Variants in FXYD3 observed in about 807,000 individuals in gnomAD.
The protein encoded by FXYD3 is FXYD domain containing ion transport regulator 3.
In FXYD3, 13 loss-of-function variants were observed where a neutral mutation model predicts 19.2. The ratio of observed to expected loss-of-function variants is 0.68; its 90% CI spans 0.44 to 1.08. The LOEUF (loss-of-function observed/expected upper bound fraction) is 1.08, where lower values mean the gene tolerates loss of function less well. FXYD3 is among the 50% of genes least tolerant of loss of function. The pLI is 0.00. For synonymous variants in FXYD3, 48 were observed against 38.9 expected, an observed-to-expected ratio of 1.23 and a Z score of -0.87; for missense variants, 101 against 109.4, an observed-to-expected ratio of 0.92 and a Z score of 0.34.
At position 35,116,665 on chromosome 19, in the gene FXYD3, G is replaced by A. The variant is rs562760286; in HGVS notation, c.-15+306G>A. The A allele has an allele frequency of 3.9e-5, 38 of 985,296 alleles. No individual in the cohort carries two copies. The South Asian group carries it at 1.5e-3, about 39-fold the overall frequency. 61.0% of individuals were successfully genotyped at this position (985,296 alleles called of 1,614,324 possible). ...AGGGATATCTGGGTTGGGGATAGCT[G>A]GGTGGAGGAGAGGGGGTGCCTGGGT... On this transcript the variant is annotated intron_variant, in intron 2 of 8. Transcript: ENST00000604404.
rs74602953 is a variant in FXYD3 at position 35,116,119 on chromosome 19, C to T, written c.-110-145C>T. ...CCGAGTTCCAGCCCATCCAATTCTC[C>T]GTCTCACCTGAGGCTGCTGTGGTCC... On this transcript the variant is annotated intron_variant, in intron 1 of 8. Transcript: ENST00000604404. 246 of 448,288 alleles carry T rather than the reference C, an allele frequency of 5.5e-4. 1 individual carries two copies. Among genetic ancestry groups the T allele is most frequent in the African/African-American group, 3.8e-3 (180 of 47,332 alleles). 27.8% of individuals were successfully genotyped at this position (448,288 alleles called of 1,614,324 possible).
In FXYD3 at chr19:35,117,226, C is replaced by G. The variant is rs549540810; in HGVS notation, c.-15+867C>G. 9.0e-6 allele frequency: 13 copies of G among 1,447,554 alleles called. No individual in the cohort carries two copies. The South Asian group carries it at 1.5e-4, about 17-fold the overall frequency. 89.7% of individuals were successfully genotyped at this position (1,447,554 alleles called of 1,614,324 possible). A position where few individuals can be genotyped will look rare whatever the true frequency, so the allele number is the denominator to read the frequency against. ...CCAGCTCCCGGCTCCCTGCAGCCTC[C>G]GGAAGCATGGGACTGGACGTTGTTT... On this transcript the variant is annotated intron_variant, in intron 2 of 8. Coordinates refer to ENST00000604404, the MANE Select transcript of FXYD3 (RefSeq NM_005971.4).
rs2065071925 is a variant in FXYD3 at position 35,122,765 on chromosome 19, A to T, written c.98A>T (p.Asp33Val). 1.2e-6 allele frequency: 2 copies of T among 1,612,920 alleles called. No homozygotes were observed. Among genetic ancestry groups the T allele is most frequent in the Non-Finnish European group, 1.7e-6 (2 of 1,179,642 alleles). ...LEDKNSPFYY[D>V]WHSLQVGGLI... ...GAGGTCCCCTCCACTTTCCTCCTAG[A>T]CTGGCACAGCCTCCAGGTTGGCGGG... The change falls in exon 6 of 9, where the codon GAC becomes GTC. Residue 33 changes from aspartate (D) to valine (V), a missense_variant and splice_region_variant. By Grantham distance (152) the Asp-to-Val change is radical. Coordinates refer to ENST00000604404, the MANE Select transcript of FXYD3 (RefSeq NM_005971.4).
In FXYD3 at chr19:35,121,506, T is replaced by G. The variant is rs887074797; in HGVS notation, c.97+261T>G. The G allele has an allele frequency of 2.8e-6, 4 of 1,428,014 alleles. No homozygotes were observed. In the South Asian group the frequency reaches 6.1e-5, roughly 22 times the overall value. 88.5% of individuals were successfully genotyped at this position (1,428,014 alleles called of 1,614,324 possible). A position where few individuals can be genotyped will look rare whatever the true frequency, so the allele number is the denominator to read the frequency against. Reference sequence around the variant, plus strand: ...GCAAGAAGCCATTGGTTGGTTCAGATCAACTGCTGGGAGAAGTGTTGACTT... The same window carrying G: ...GCAAGAAGCCATTGGTTGGTTCAGAGCAACTGCTGGGAGAAGTGTTGACTT... On this transcript the variant is annotated intron_variant, in intron 5 of 8. Coordinates refer to ENST00000604404, the MANE Select transcript of FXYD3 (RefSeq NM_005971.4).
rs562139240 is a variant in FXYD3, at chr19:35,119,595, G to A, written c.40+179G>A. 1.8e-4 allele frequency: 104 copies of A among 593,700 alleles called. 1 individual carries two copies. In the East Asian group the frequency reaches 2.7e-3, roughly 15 times the overall value. The allele number at this position is 593,700 out of a possible 1,614,324, so 36.8% of individuals were successfully genotyped here. A position where few individuals can be genotyped will look rare whatever the true frequency, so the allele number is the denominator to read the frequency against. ...AGCCGGGGATACACGAGAAGAGCTG[G>A]CTCACACAGCTGGAAAGTCACCGTC... On this transcript the variant is annotated intron_variant, in intron 3 of 8. Transcript: ENST00000604404.
chr19:35,122,996 C>A, intron 7 of FXYD3, 42 bp downstream of exon 7: 2 of 1,542,054 alleles, frequency 1.3e-6, no homozygotes, highest in South Asian at 1.3e-5. Context: ...GCTGACTGGA[C>A]GCTTTTCAGG....
intron 4 of FXYD3, 29 bp downstream of exon 4, chr19:35,121,139 C>T (rs1308377608): frequency 1.2e-6 from 2 of 1,614,038 alleles, no homozygotes; most frequent in Admixed American, 1.7e-5. Context: ...TCACCCGTCA[C>T]ACCCCCAAAT....
At chr19:35,123,015 G>A in intron 7 of FXYD3, 61 bp downstream of exon 7, 1 of 1,520,610 alleles carries the variant, frequency 6.6e-7, no homozygotes. Flanking sequence ...GGGTGAAAGG[G>A]CTAACTCTCC....
rs1210936471 is a variant in FXYD3, at chr19:35,124,175, C to T, written c.*718C>T. ...CAACAAGCCTCAAAGTCCCTTGAGA[C>T]TCCCCAATACCTAATAAGGCATGCG... On this transcript the variant is annotated 3_prime_UTR_variant, in exon 9 of 9. Transcript: ENST00000604404. The T allele has an allele frequency of 6.5e-6, 1 of 152,766 alleles. No homozygotes were observed. The highest frequency in any genetic ancestry group is 1.5e-5 in the Non-Finnish European group (1 of 68,236). 9.5% of individuals were successfully genotyped at this position (152,766 alleles called of 1,614,324 possible).
At chr19:35,116,712 C>T (rs912712557) in intron 2 of FXYD3, 4 of 927,940 alleles carry the variant, frequency 4.3e-6, no homozygotes, top group African/African-American at 4.8e-5. Flanking sequence ...TCTAAGTGGA[C>T]CAGGGGTGCG....
Position 35,123,342 on chromosome 19 carries a change from C to CG in FXYD3, c.247+36dup, listed in dbSNP as rs766157940. 4 of 1,605,512 alleles carry CG rather than the reference C, an allele frequency of 2.5e-6. No individual in the cohort carries two copies. In the Admixed American group the frequency reaches 6.8e-5, roughly 27 times the overall value. On this transcript the variant is annotated intron_variant, in intron 8 of 8. Transcript: ENST00000604404. ...GGGCAGCATGGGGCTCAGGGGAACACGGAAGTGGTGTGTGTGTGTGTGTGT... is the reference window on the plus strand; with the variant it reads ...GGGCAGCATGGGGCTCAGGGGAACACGGGAAGTGGTGTGTGTGTGTGTGTGT...
intron 5 of FXYD3, chr19:35,122,556 C>A: frequency 1.7e-6 from 1 of 576,814 alleles, no homozygotes; most frequent in Non-Finnish European, 3.1e-6. Flanking sequence ...TTCTTCAAAC[C>A]ACTTATCTCT....
intron 2 of FXYD3, 47 bp from the exon 3 acceptor site, chr19:35,119,316 G>T: frequency 6.2e-7 from 1 of 1,607,756 alleles, no homozygotes; most frequent in Non-Finnish European, 8.5e-7. Context: ...CACAGGGCCA[G>T]CCTCCCGGTG....
At chr19:35,122,116 G>A (rs2065055721) in intron 5 of FXYD3, among the ~76,000 whole-genome samples, 2 of 151,964 alleles carry the variant, frequency 1.3e-5, no homozygotes, top group African/African-American at 4.8e-5. Context: ...AAGTAATTGT[G>A]GTTTTTGCAA....
Position 35,123,632 on chromosome 19 carries a change from T to C in FXYD3, c.*175T>C. On this transcript the variant is annotated 3_prime_UTR_variant, in exon 9 of 9. Coordinates refer to ENST00000604404, the MANE Select transcript of FXYD3 (RefSeq NM_005971.4). ...GGTCTCTTTGTTCAATTTTTTTTAA[T>C]CTAAAATGATTGTGCCTCTGCCCAA... 2 of 659,026 alleles carry C rather than the reference T, an allele frequency of 3.0e-6. No individual in the cohort carries two copies. Among genetic ancestry groups the C allele is most frequent in the South Asian group, 3.8e-5 (2 of 52,524 alleles). 40.8% of individuals were successfully genotyped at this position (659,026 alleles called of 1,614,324 possible).
intron 1 of FXYD3, 125 bp downstream of exon 1, chr19:35,116,084 A>G (rs1016973772): frequency 2.1e-5 from 5 of 241,958 alleles, no homozygotes; most frequent in Non-Finnish European, 6.7e-6. Flanking sequence ...TCCTCCCTTA[A>G]TTCCAGGGGC....
chr19:35,119,464 C>T (rs770100820), intron 3 of FXYD3, 48 bp downstream of exon 3: 15 of 1,513,660 alleles, frequency 9.9e-6, no homozygotes, highest in Admixed American at 3.3e-5. Context: ...CCCCTGGATG[C>T]GGGGATCCAA....
At chr19:35,121,647 C>G (rs1027731315) in intron 5 of FXYD3, 1 of 682,790 alleles carries the variant, frequency 1.5e-6, no homozygotes, top group Middle Eastern at 5.2e-4. Flanking sequence ...GCTCCTCATT[C>G]CTTCTGCTCC....
intron 3 of FXYD3, among the ~76,000 whole-genome samples, chr19:35,120,814 GA>G (rs1174886331): frequency 3.9e-5 from 6 of 152,192 alleles, no homozygotes; most frequent in Admixed American, 3.3e-4. Flanking sequence ...CTGGAAACAT[GA>G]GACCAAATAG....
Sources: allele counts gnomAD v4.1 joint callset (sites outside exome capture counted in the v4.1 genomes callset), GRCh38; gene constraint gnomAD v4.1.1; transcripts MANE v1.5; gene names NCBI Gene and HGNC (gene_info 2026-07-23, HGNC 2026-07-21).